The following CTNNA2 variants were observed in gnomAD, a reference collection of about 807,000 sequenced individuals.
CTNNA2 encodes the protein catenin alpha-2.
A neutral mutation model predicts 101.0 loss-of-function variants in CTNNA2; 42 were observed. The ratio of observed to expected loss-of-function variants is 0.42; its 90% confidence interval spans 0.32 to 0.54. The LOEUF (loss-of-function observed/expected upper bound fraction) is 0.54. CTNNA2 is among the 20% of genes least tolerant of loss of function. The probability of loss-of-function intolerance (pLI) is 0.14; values close to 1 mark genes in which losing one functional copy is unlikely to be tolerated. For synonymous variants in CTNNA2, 450 were observed against 456.4 expected, an observed-to-expected ratio of 0.99 and a Z score of 0.18; for missense variants, 871 against 1,223.1, an observed-to-expected ratio of 0.71 and a Z score of 4.29.
intron 2 of CTNNA2, among the ~76,000 whole-genome samples, chr2:79,275,085 G>C (rs899945388): frequency 6.6e-6 from 1 of 152,048 alleles, no homozygotes; most frequent in Non-Finnish European, 1.5e-5. Context: ...TACCTGGAAG[G>C]CTTCAGTTAT....
At chr2:80,640,531 T>C (rs925172975) in intron 18 of CTNNA2, among the ~76,000 whole-genome samples, 1 of 152,222 alleles carries the variant, frequency 6.6e-6, no homozygotes, top group Admixed American at 6.5e-5. Context: ...GCTTGAGTTA[T>C]TTATTACCCT....
intron 7 of CTNNA2, among the ~76,000 whole-genome samples, chr2:80,231,858 C>T (rs544042730): frequency 6.4e-4 from 98 of 152,240 alleles, no homozygotes; most frequent in African/African-American, 2.3e-3. Flanking sequence ...CCTTCCCTTA[C>T]TAGTTTTTTT....
chr2:80,360,042 T>A (rs1674245315), intron 7 of CTNNA2, among the ~76,000 whole-genome samples: 1 of 152,158 alleles, frequency 6.6e-6, no homozygotes, highest in Non-Finnish European at 1.5e-5. Context: ...TCCATTTATT[T>A]ACATCTTTAA....
intron 7 of CTNNA2, among the ~76,000 whole-genome samples, chr2:80,134,984 T>C (rs1348905094): frequency 6.6e-6 from 1 of 152,184 alleles, no homozygotes; most frequent in Non-Finnish European, 1.5e-5. Context: ...ATTATTTTTT[T>C]TAGATAGATG....
At chr2:80,007,316 T>C (rs1375264295) in intron 7 of CTNNA2, among the ~76,000 whole-genome samples, 1 of 152,192 alleles carries the variant, frequency 6.6e-6, no homozygotes, top group Non-Finnish European at 1.5e-5. Context: ...TCCAAGTTTT[T>C]CCTTTTCCAA....
intron 2 of CTNNA2, among the ~76,000 whole-genome samples, chr2:79,720,040 T>A (rs186429745): frequency 5.3e-4 from 80 of 152,312 alleles, no homozygotes; most frequent in African/African-American, 1.9e-3. Context: ...TACATTTCAA[T>A]CTTTAGTCCA....
chr2:79,555,863 T>C (rs895188940), intron 1 of CTNNA2, among the ~76,000 whole-genome samples: 6 of 152,116 alleles, frequency 3.9e-5, no homozygotes, highest in African/African-American at 9.6e-5. Flanking sequence ...GTGAAAAATG[T>C]AAATATTGTT....
intron 2 of CTNNA2, among the ~76,000 whole-genome samples, chr2:79,686,478 AATG>A: frequency 6.6e-6 from 1 of 152,304 alleles, no homozygotes; most frequent in South Asian, 2.1e-4. Context: ...TCATTTAGTT[AATG>A]ATAATTGAAT....
chr2:79,905,927 T>C (rs1286285662), intron 6 of CTNNA2, among the ~76,000 whole-genome samples: 1 of 152,224 alleles, frequency 6.6e-6, no homozygotes, highest in Non-Finnish European at 1.5e-5. Context: ...GGGTTGGTTT[T>C]TTATTTGTAG....
chr2:80,641,301 C>T (rs1453653220), intron 18 of CTNNA2, among the ~76,000 whole-genome samples: 2 of 152,146 alleles, frequency 1.3e-5, no homozygotes, highest in Admixed American at 1.3e-4. Context: ...AATCCAATGA[C>T]AGATTGCTTT....
chr2:79,296,438 A>G (rs747192420), intron 2 of CTNNA2, among the ~76,000 whole-genome samples: 18 of 152,198 alleles, frequency 1.2e-4, no homozygotes, highest in East Asian at 3.9e-4. Context: ...TAGGAGTTGA[A>G]TATAAACTGT....
rs912101459 is a variant in CTNNA2 at position 79,188,923 on chromosome 2, T to C, written c.-524+3492T>C. On this transcript the variant is annotated intron_variant, in intron 1 of 21. Coordinates refer to the CTNNA2 transcript ENST00000466387. ...TTATTTGATTAAAGTAGTTCAAAAA[T>C]CACTAGTGCAGAGATGAACTATAAG... 4.6e-5 allele frequency among the ~76,000 whole-genome samples: 7 copies of C among 152,310 alleles called. 1 individual carries two copies. Among genetic ancestry groups the C allele is most frequent in the African/African-American group, 1.7e-4 (7 of 41,578 alleles).
intron 4 of CTNNA2, among the ~76,000 whole-genome samples, chr2:79,474,869 T>C (rs1377014869): frequency 6.6e-6 from 1 of 152,162 alleles, no homozygotes; most frequent in Non-Finnish European, 1.5e-5. Context: ...CTTTATTTCC[T>C]CTAGTCTTTT....
At chr2:80,291,645 T>A (rs2149180268) in intron 7 of CTNNA2, among the ~76,000 whole-genome samples, 1 of 152,330 alleles carries the variant, frequency 6.6e-6, no homozygotes, top group African/African-American at 2.4e-5. Context: ...TTGCCAATAT[T>A]AAATAAGAGT....
intron 1 of CTNNA2, among the ~76,000 whole-genome samples, chr2:79,593,062 A>G (rs1028763564): frequency 6.6e-6 from 1 of 152,236 alleles, no homozygotes; most frequent in Non-Finnish European, 1.5e-5. Flanking sequence ...AAATGCAGGA[A>G]TAGTTTGACA....
chr2:80,099,312 C>A (rs1700388944), intron 7 of CTNNA2, among the ~76,000 whole-genome samples: 1 of 151,990 alleles, frequency 6.6e-6, no homozygotes, highest in African/African-American at 2.4e-5. Context: ...CTAATGAGAT[C>A]TTGGGTTGCA....
intron 4 of CTNNA2, among the ~76,000 whole-genome samples, chr2:79,439,815 T>C (rs1056608718): frequency 6.6e-6 from 1 of 152,066 alleles, no homozygotes; most frequent in African/African-American, 2.4e-5. Flanking sequence ...AATCCAAAAT[T>C]CTGAAAGTTG....
intron 4 of CTNNA2, among the ~76,000 whole-genome samples, chr2:79,479,725 C>T (rs962493815): frequency 1.3e-5 from 2 of 152,032 alleles, no homozygotes; most frequent in Non-Finnish European, 2.9e-5. Context: ...CAGTTCAAGA[C>T]CAGCCTGGCC....
intron 3 of CTNNA2, among the ~76,000 whole-genome samples, chr2:79,326,912 G>A (rs1381048751): frequency 6.6e-6 from 1 of 152,154 alleles, no homozygotes; most frequent in Non-Finnish European, 1.5e-5. Context: ...CACATAGTGG[G>A]GAGGCTGGTC....
Sources: allele counts gnomAD v4.1 joint callset (sites outside exome capture counted in the v4.1 genomes callset), GRCh38; gene constraint gnomAD v4.1.1; transcripts MANE v1.5; gene names NCBI Gene and HGNC (gene_info 2026-07-23, HGNC 2026-07-21).